The following GREB1 variants were observed in gnomAD, a reference collection of about 807,000 sequenced individuals.
The protein encoded by GREB1 is protein GREB1.
A neutral mutation model predicts 200.7 loss-of-function variants in GREB1; 106 were observed. The ratio of observed to expected loss-of-function variants is 0.53; its 90% CI spans 0.45 to 0.62. The LOEUF (loss-of-function observed/expected upper bound fraction) is 0.62, where lower values mean the gene tolerates loss of function less well. Among genes scored for constraint, GREB1 ranks in the 20% least tolerant of loss-of-function variants. The pLI, the probability that GREB1 is intolerant of heterozygous loss-of-function variation, is 0.00. For missense variants in GREB1, 2,243 were observed against 2,556.8 expected (o/e 0.88, Z 2.65); for synonymous variants, 1,132 against 1,092.4 (o/e 1.04, Z -0.72).
chr2:11,604,891 G>A (rs761114394), intron 17 of GREB1, among the ~76,000 whole-genome samples: 8 of 152,204 alleles, frequency 5.3e-5, no homozygotes, highest in Admixed American at 2.0e-4. Context: ...TGCCATAAAC[G>A]CCAGCATACG....
At chr2:11,501,779 A>G (rs559741612) in intron 1 of GREB1, among the ~76,000 whole-genome samples, 6 of 151,430 alleles carry the variant, frequency 4.0e-5, no homozygotes, top group African/African-American at 1.2e-4. Flanking sequence ...TGAAGTGCCT[A>G]CTTCCTGCAA....
Position 11,484,217 on chromosome 2 carries a change from C to T in GREB1, c.-159+1836C>T, listed in dbSNP as rs116041355. On this transcript the variant is annotated intron_variant, in intron 1 of 2. Transcript: ENST00000628795. ...TTGTTCATAAGCAATCCATTGTTTC[C>T]AGACCACTGTTTCTGACTGCTTTCT... Among the ~76,000 whole-genome samples, 1,385 of 152,290 alleles carry T rather than the reference C, an allele frequency of 9.1e-3. 13 individuals are homozygous for T. The highest frequency in any genetic ancestry group is 0.013 in the Non-Finnish European group (909 of 68,018).
intron 1 of GREB1, among the ~76,000 whole-genome samples, chr2:11,520,886 C>G (rs762460205): frequency 1.2e-4 from 19 of 152,162 alleles, no homozygotes; most frequent in Non-Finnish European, 2.5e-4. Flanking sequence ...TACTACCATT[C>G]TCTTCCTCTT....
At position 11,545,681 on chromosome 2, in the gene GREB1, C is replaced by A. The variant is rs371719710; in HGVS notation, c.-161-10773C>A. On this transcript the variant is annotated intron_variant, in intron 1 of 32. Transcript: ENST00000381486. ...TTCTAAAATTGTTCCAAATGTGTGA[C>A]CTTGGACAAGTCACTTGAATGTCAC... 3.9e-5 allele frequency among the ~76,000 whole-genome samples: 6 copies of A among 152,234 alleles called. No individual in the cohort carries two copies. The East Asian group carries it at 9.6e-4, about 24-fold the overall frequency.
intron 4 of GREB1, among the ~76,000 whole-genome samples, chr2:11,573,064 G>A (rs1457423304): frequency 6.6e-6 from 1 of 152,162 alleles, no homozygotes; most frequent in Admixed American, 6.5e-5. Context: ...AAAGCTCAGA[G>A]GTGTTAGTTA....
chr2:11,530,453 A>C (rs1339442174), upstream of GREB1, among the ~76,000 whole-genome samples: 7 of 151,724 alleles, frequency 4.6e-5, no homozygotes, highest in Admixed American at 4.6e-4. Flanking sequence ...GTTAAAAGTT[A>C]AGTTACCAGG....
chr2:11,500,236 AC>A (rs1351172924), intron 1 of GREB1, among the ~76,000 whole-genome samples: 4 of 151,612 alleles, frequency 2.6e-5, no homozygotes, highest in Admixed American at 2.0e-4. Context: ...ATCTCGGCTT[AC>A]CGCAACCTCC....
At chr2:11,639,378 C>T (rs1373285362) in intron 32 of GREB1, among the ~76,000 whole-genome samples, 7 of 152,212 alleles carry the variant, frequency 4.6e-5, no homozygotes, top group Admixed American at 1.3e-4. Context: ...CGTGAGCCAC[C>T]GCACCAGCCA....
chr2:11,587,693 TAACACACACACACACACA>T (rs997428099), intron 9 of GREB1: 32 of 980,298 alleles, frequency 3.3e-5, no homozygotes, highest in Middle Eastern at 4.5e-4. Flanking sequence ...GAGTACAAGA[TAACACACACACACACACA>T]CACACACACA....
At position 11,557,638 on chromosome 2, in the gene GREB1, C is replaced by A. The variant is rs567192856; in HGVS notation, c.157+867C>A. ...GTGGAGGTGCTTGTCTTCAAGGGGC[C>A]CCACACTGAGCTTGTGTGAGATCTG... On this transcript the variant is annotated intron_variant, in intron 2 of 32. Coordinates refer to ENST00000381486, the MANE Select transcript of GREB1 (RefSeq NM_014668.4). 1.8e-4 allele frequency among the ~76,000 whole-genome samples: 27 copies of A among 152,210 alleles called. 1 individual carries two copies. In the East Asian group the frequency reaches 3.9e-3, roughly 22 times the overall value.
chr2:11,487,020 T>G (rs776546557), intron 1 of GREB1, among the ~76,000 whole-genome samples: 1 of 152,236 alleles, frequency 6.6e-6, no homozygotes, highest in Non-Finnish European at 1.5e-5. Flanking sequence ...TATAATTTTA[T>G]ATCTCATTTT....
At chr2:11,522,943 A>G (rs1436684968) in intron 1 of GREB1, among the ~76,000 whole-genome samples, 4 of 152,226 alleles carry the variant, frequency 2.6e-5, no homozygotes, top group African/African-American at 7.2e-5. Flanking sequence ...TTGCAGCACT[A>G]TTCACAATAG....
chr2:11,620,907 C>T lies in GREB1; in HGVS notation c.4047C>T (p.Ile1349=), dbSNP rs781383668. 13 of 1,600,654 alleles carry T rather than the reference C, an allele frequency of 8.1e-6. No individual in the cohort carries two copies. Among genetic ancestry groups the T allele is most frequent in the East Asian group, 6.7e-5 (3 of 44,848 alleles). Residue 1349 remains isoleucine (I), a splice_region_variant and synonymous_variant, in exon 23 of 33, where the codon ATC becomes ATT. Transcript: ENST00000381486. ...TTTTAACTCCTATACCTTTACAGAT[C>T]GGGAAGACAGGTGCCTACCTGCAGT... The part of the protein sequence containing the change: ...RRLLLSGPPQ[I]GKTGAYLQFL...
At chr2:11,625,682 C>T (rs1240961607) in intron 24 of GREB1, among the ~76,000 whole-genome samples, 1 of 152,154 alleles carries the variant, frequency 6.6e-6, no homozygotes, top group Non-Finnish European at 1.5e-5. Context: ...TTTTCCCTCC[C>T]TCAGGGATCC....
chr2:11,570,235 C>A (rs1678126796), intron 4 of GREB1, among the ~76,000 whole-genome samples: 1 of 151,758 alleles, frequency 6.6e-6, no homozygotes, highest in Non-Finnish European at 1.5e-5. Context: ...GTGGTGAAAC[C>A]CTGTCTCTAC....
At chr2:11,621,813 G>A (rs753345550) in intron 23 of GREB1, among the ~76,000 whole-genome samples, 70 of 152,246 alleles carry the variant, frequency 4.6e-4, no homozygotes, top group Middle Eastern at 3.4e-3. Flanking sequence ...TCCAGCCCTC[G>A]GCCTTCCCTC....
intron 1 of GREB1, among the ~76,000 whole-genome samples, chr2:11,488,266 A>C (rs1558478908): frequency 6.6e-6 from 1 of 152,162 alleles, no homozygotes; most frequent in South Asian, 2.1e-4. Flanking sequence ...TTGGGTGGTC[A>C]ACCTTGAGAA....
At chr2:11,562,768 A>T in intron 3 of GREB1, 186 bp downstream of exon 3, 1 of 526,212 alleles carries the variant, frequency 1.9e-6, no homozygotes, top group Non-Finnish European at 3.2e-6. Context: ...TGCCCTCCTG[A>T]AACAGGAGCT....
At chr2:11,596,016 A>G (rs1681174462) in intron 12 of GREB1, 95 bp from the exon 13 acceptor site, 4 of 1,222,154 alleles carry the variant, frequency 3.3e-6, no homozygotes, top group Non-Finnish European at 1.2e-6. Context: ...TCATGACTCC[A>G]GGCCTCGGGA....
Sources: allele counts gnomAD v4.1 joint callset (sites outside exome capture counted in the v4.1 genomes callset), GRCh38; gene constraint gnomAD v4.1.1; transcripts MANE v1.5; gene names NCBI Gene and HGNC (gene_info 2026-07-23, HGNC 2026-07-21).